WWTR1: variants seen among roughly 807,000 people sequenced by gnomAD.
WWTR1 encodes the protein WW domain-containing transcription regulator protein 1.
In WWTR1, 13 loss-of-function variants were observed where a neutral mutation model predicts 40.1. The ratio of observed to expected loss-of-function variants is 0.32; its 90% CI spans 0.21 to 0.52. The LOEUF is 0.52. WWTR1 is among the 20% of genes least tolerant of loss of function. The pLI is 0.97. For missense variants in WWTR1, 436 were observed against 523.1 expected, an observed-to-expected ratio of 0.83 and a Z score of 1.63; for synonymous variants, 230 against 210.1, an observed-to-expected ratio of 1.09 and a Z score of -0.82.
intron 2 of WWTR1, among the ~76,000 whole-genome samples, chr3:149,618,297 A>C (rs922204994): frequency 6.6e-6 from 1 of 152,210 alleles, no homozygotes; most frequent in African/African-American, 2.4e-5. Context: ...TCTTGCAGCC[A>C]ACAGATACAT....
intron 2 of WWTR1, 89 bp downstream of exon 2, chr3:149,656,787 T>TCACACACACACACAAACACACACA (rs1274240073): frequency 1.2e-6 from 1 of 824,426 alleles, no homozygotes; most frequent in African/African-American, 1.9e-5. Context: ...TCTCTCTCTC[T>TCACACACACACACAAACACACACA]CTCTCACACA....
intron 3 of WWTR1, among the ~76,000 whole-genome samples, chr3:149,564,162 CAG>C (rs111879154): frequency 7.7e-4 from 118 of 152,310 alleles, no homozygotes; most frequent in African/African-American, 2.7e-3. Context: ...TTTACTGACA[CAG>C]AAATTTCCAG....
At chr3:149,709,692 G>C (rs1246825160) in intron 5 of WWTR1, among the ~76,000 whole-genome samples, 1 of 152,092 alleles carries the variant, frequency 6.6e-6, no homozygotes, top group Non-Finnish European at 1.5e-5. Flanking sequence ...ATCACCTAAA[G>C]TTAGGAGTTT....
intron 2 of WWTR1, among the ~76,000 whole-genome samples, chr3:149,573,960 T>C (rs973306576): frequency 6.6e-6 from 1 of 151,024 alleles, no homozygotes; most frequent in South Asian, 2.1e-4. Context: ...ATATATATGA[T>C]GAGTAGATTC....
intron 2 of WWTR1, among the ~76,000 whole-genome samples, chr3:149,589,896 T>C (rs1163977521): frequency 6.6e-6 from 1 of 152,106 alleles, no homozygotes; most frequent in African/African-American, 2.4e-5. Context: ...ATTCACATCA[T>C]ATATGTTTTT....
intron 2 of WWTR1, among the ~76,000 whole-genome samples, chr3:149,647,882 G>T (rs573676028): frequency 2.0e-5 from 3 of 152,132 alleles, no homozygotes; most frequent in Non-Finnish European, 4.4e-5. Flanking sequence ...CTAGCAAAAG[G>T]TCAATGAGCC....
In WWTR1 at chr3:149,521,083, T is replaced by G. The variant is rs1236339986; in HGVS notation, c.1019-94A>C. ...TATTTACATAACCCTCACCTTCATG[T>G]CTTCAACTACCACATTATTGACCCT... On this transcript the variant is annotated intron_variant, in intron 6 of 6. Coordinates refer to ENST00000360632, the MANE Select transcript of WWTR1 (RefSeq NM_015472.6). 2.1e-5 allele frequency: 28 copies of G among 1,347,216 alleles called. No homozygotes were observed. In the South Asian group the frequency reaches 4.2e-4, roughly 20 times the overall value. The allele number at this position is 1,347,216 out of a possible 1,614,324, so 83.5% of individuals were successfully genotyped here.
chr3:149,714,522 C>A (rs1320273392), intron 5 of WWTR1, among the ~76,000 whole-genome samples: 1 of 152,254 alleles, frequency 6.6e-6, no homozygotes, highest in East Asian at 1.9e-4. Flanking sequence ...GCTGAGACAC[C>A]CGGCCCCTGT....
intron 1 of WWTR1, chr3:149,702,326 G>A (rs1417730762): frequency 6.6e-6 from 1 of 152,128 alleles, no homozygotes; most frequent in East Asian, 1.9e-4. Flanking sequence ...TATGAATGTT[G>A]TCTGTCTCAG....
intron 4 of WWTR1, among the ~76,000 whole-genome samples, chr3:149,528,387 G>T (rs1199066900): frequency 1.3e-5 from 2 of 152,172 alleles, no homozygotes; most frequent in African/African-American, 4.8e-5. Context: ...GCCACTTACA[G>T]GCCAGTAAAA....
chr3:149,700,158 T>C (rs1715126324), intron 1 of WWTR1, among the ~76,000 whole-genome samples: 1 of 152,198 alleles, frequency 6.6e-6, no homozygotes. Context: ...GTAGCTTATC[T>C]ATTTACTTTT....
At chr3:149,532,281 A>C (rs1404167747) in intron 4 of WWTR1, among the ~76,000 whole-genome samples, 3 of 152,230 alleles carry the variant, frequency 2.0e-5, no homozygotes, top group African/African-American at 7.2e-5. Flanking sequence ...ATCTCAAAAA[A>C]AACAAAATAA....
intron 2 of WWTR1, among the ~76,000 whole-genome samples, chr3:149,606,713 C>A (rs183981778): frequency 9.9e-5 from 15 of 152,226 alleles, no homozygotes; most frequent in African/African-American, 3.4e-4. Flanking sequence ...ATTACAGTTG[C>A]TCAGAAGAAG....
intron 2 of WWTR1, among the ~76,000 whole-genome samples, chr3:149,609,489 A>G (rs951647924): frequency 2.0e-5 from 3 of 152,230 alleles, no homozygotes; most frequent in African/African-American, 7.2e-5. Context: ...AAATTAAAAT[A>G]ATACTATTTT....
intron 5 of WWTR1, among the ~76,000 whole-genome samples, chr3:149,526,853 C>A (rs925597348): frequency 6.6e-6 from 1 of 152,182 alleles, no homozygotes; most frequent in Non-Finnish European, 1.5e-5. Flanking sequence ...TACAGAATTG[C>A]CCTTTTTATT....
intron 3 of WWTR1, among the ~76,000 whole-genome samples, chr3:149,561,806 T>C (rs567120612): frequency 7.0e-4 from 107 of 152,300 alleles, no homozygotes; most frequent in African/African-American, 2.3e-3. Flanking sequence ...CAAGCATGCA[T>C]GTGTATGTAG....
At chr3:149,627,533 G>T (rs917701795) in intron 2 of WWTR1, among the ~76,000 whole-genome samples, 9 of 152,180 alleles carry the variant, frequency 5.9e-5, no homozygotes, top group South Asian at 2.1e-4. Context: ...GAGAAGCCAG[G>T]AAGAAAGGAA....
chr3:149,643,520 G>A (rs961027889), intron 2 of WWTR1, among the ~76,000 whole-genome samples: 3 of 152,042 alleles, frequency 2.0e-5, no homozygotes, highest in African/African-American at 4.8e-5. Flanking sequence ...CACTGATTTC[G>A]GACCCCATTT....
chr3:149,524,404 C>T (rs1735196302), intron 6 of WWTR1, among the ~76,000 whole-genome samples: 1 of 142,628 alleles, frequency 7.0e-6, no homozygotes, highest in Non-Finnish European at 1.5e-5. Context: ...GCTTTTTATC[C>T]TTACTGGCTT....
Sources: gnomAD v4.1 joint callset for allele counts (sites outside exome capture counted in the v4.1 genomes callset) on GRCh38, gnomAD v4.1.1 for gene constraint, MANE v1.5 for transcripts, NCBI Gene and HGNC (gene_info 2026-07-23, HGNC 2026-07-21) for gene names.